Variants in STING1 observed in about 807,000 individuals in gnomAD.
STING1 encodes stimulator of interferon genes protein.
A neutral mutation model predicts 31.6 loss-of-function variants in STING1; 19 were observed. The ratio of observed to expected loss-of-function variants is 0.60; its 90% CI spans 0.42 to 0.88. The LOEUF (loss-of-function observed/expected upper bound fraction) is 0.88. Ranked by LOEUF, STING1 falls within the 40% of genes least tolerant of loss-of-function variation. STING1 has a pLI of 0.00. For synonymous variants in STING1, 200 were observed against 208.6 expected, an observed-to-expected ratio of 0.96 and a Z score of 0.35; for missense variants, 371 against 483.7, an observed-to-expected ratio of 0.77 and a Z score of 2.19.
In STING1 at chr5:139,478,261, C is replaced by A; in HGVS notation, c.759+9G>T. Reference sequence around the variant, plus strand: ...CTCCTCAGAGACCCCCACTCCCCTGCACACTTACCCGCTGCCCGTTCTCCA... The same window carrying A: ...CTCCTCAGAGACCCCCACTCCCCTGAACACTTACCCGCTGCCCGTTCTCCA... On this transcript the variant is annotated intron_variant, in intron 6 of 7. Transcript: ENST00000330794. The A allele has an allele frequency of 6.2e-7, 1 of 1,607,412 alleles. No individual in the cohort carries two copies. The highest frequency in any genetic ancestry group is 8.5e-7 in the Non-Finnish European group (1 of 1,175,562).
chr5:139,482,406 G>A (rs1435461406), intron 1 of STING1, 104 bp from the exon 2 acceptor site: 2 of 152,256 alleles, frequency 1.3e-5, no homozygotes, highest in African/African-American at 4.8e-5. Flanking sequence ...GGTATTTCCT[G>A]TTCCTCAGGA....
rs1236854527 is a variant in STING1, at chr5:139,478,407, C to T, written c.622G>A (p.Val208Met). ...TCAGCCATACTCAGGTTATCAGGCA[C>T]CCCACAGTCCAATGGGAGGAGAATA... Reference protein sequence around the residue: ...LYILLPLDCGVPDNLSMADPN... With the variant: ...LYILLPLDCGMPDNLSMADPN... Residue 208 changes from valine (V) to methionine (M), a missense_variant, in exon 6 of 8, where the codon GTG (valine) becomes ATG (methionine). Physicochemically the swap from Val to Met is conservative, Grantham distance 21. Transcript: ENST00000330794. 4 of 1,614,066 alleles carry T rather than the reference C, an allele frequency of 2.5e-6. No individual in the cohort carries two copies. Among genetic ancestry groups the T allele is most frequent in the Non-Finnish European group, 1.7e-6 (2 of 1,180,036 alleles).
At position 139,478,293 on chromosome 5, in the gene STING1, C is replaced by T; in HGVS notation, c.736G>A (p.Glu246Lys). The change falls in exon 6 of 8, where the codon GAG becomes AAG. Residue 246 changes from glutamate (E) to lysine (K), a missense_variant. Coordinates refer to ENST00000330794, the MANE Select transcript of STING1 (RefSeq NM_198282.4). ...KDRVYSNSIY[E>K]LLENGQRAGT... is the part of the protein sequence containing the mutation. Reference sequence around the variant, plus strand: ...ACCCGCTGCCCGTTCTCCAGAAGCTCATAGATGCTGTTGCTGTAAACCCGA... The same window carrying T: ...ACCCGCTGCCCGTTCTCCAGAAGCTTATAGATGCTGTTGCTGTAAACCCGA... The T allele has an allele frequency of 6.2e-7, 1 of 1,613,980 alleles. No individual in the cohort carries two copies. Among genetic ancestry groups the T allele is most frequent in the Non-Finnish European group, 8.5e-7 (1 of 1,179,940 alleles).
rs758555119 is a variant in STING1 at position 139,480,759 on chromosome 5, T to C, written c.520+31A>G. 5.7e-6 allele frequency: 8 copies of C among 1,401,206 alleles called. 1 individual carries two copies. In the South Asian group the frequency reaches 9.2e-5, roughly 16 times the overall value. 86.8% of individuals were successfully genotyped at this position (1,401,206 alleles called of 1,614,324 possible). ...TGTGTCTTAGTGTCTGTTTTGTAGA[T>C]CGAGAAATGGGGGCAGAGAGGATGG... On this transcript the variant is annotated intron_variant, in intron 5 of 7. Transcript: ENST00000330794.
At chr5:139,477,221 C>T in intron 7 of STING1, 108 bp downstream of exon 7, 1 of 1,182,790 alleles carries the variant, frequency 8.5e-7, no homozygotes, top group Admixed American at 2.2e-5. Context: ...GAAGGACAGG[C>T]CCAGGGCATG....
rs1451007276 is a variant in STING1, at chr5:139,481,138, C to G, written c.411+21G>C. ...CACAGCCACCACTTGGCCAGAGCTT[C>G]TACCTCCCCCTGTGTCATACCTTGA... On this transcript the variant is annotated intron_variant, in intron 4 of 7. Coordinates refer to ENST00000330794, the MANE Select transcript of STING1 (RefSeq NM_198282.4). This position sits in a 1 kb window ranked among gnomAD's most constrained non-coding sequence, Gnocchi z 4.1. The G allele has an allele frequency of 1.9e-6, 3 of 1,613,344 alleles. No individual in the cohort carries two copies.
chr5:139,475,537 C>G lies in STING1; in HGVS notation c.*724G>C, dbSNP rs1751629322. The G allele has an allele frequency of 1.3e-5, 2 of 152,286 alleles. No homozygotes were observed. The highest frequency in any genetic ancestry group is 1.5e-5 in the Non-Finnish European group (1 of 68,052). The allele number at this position is 152,286 out of a possible 1,614,324, so 9.4% of individuals were successfully genotyped here. ...AGACGACACACTCACATTGGGTAATCTGAGATGTGCTTTAAAAAAGGACCG... is the reference window on the plus strand; with the variant it reads ...AGACGACACACTCACATTGGGTAATGTGAGATGTGCTTTAAAAAAGGACCG... On this transcript the variant is annotated 3_prime_UTR_variant, in exon 8 of 8. Transcript: ENST00000330794.
chr5:139,477,680 G>C (rs779500733), intron 6 of STING1, among the ~76,000 whole-genome samples, 165 bp from the exon 7 acceptor site: 3 of 152,198 alleles, frequency 2.0e-5, no homozygotes, highest in Non-Finnish European at 2.9e-5. Flanking sequence ...GGTCTATGCT[G>C]TCTGGCCTGC....
rs778380479 is a variant in STING1 at position 139,480,928 on chromosome 5, C to T, written c.412-30G>A. 10 of 1,552,600 alleles carry T rather than the reference C, an allele frequency of 6.4e-6. No homozygotes were observed. In the South Asian group the frequency reaches 1.0e-4, roughly 16 times the overall value. On this transcript the variant is annotated intron_variant, in intron 4 of 7. Coordinates refer to ENST00000330794, the MANE Select transcript of STING1 (RefSeq NM_198282.4). ...GGACAGCAGGATGTGGCTGGGGGGC[C>T]TCCATCAAGGACACCCAGAGAACTC...
At chr5:139,480,935 A>G (rs1751820127) in intron 4 of STING1, 37 bp from the exon 5 acceptor site, 3 of 1,504,112 alleles carry the variant, frequency 2.0e-6, no homozygotes, top group African/African-American at 1.4e-5. Flanking sequence ...GGCCTCCATC[A>G]AGGACACCCA....
rs139401626 is a variant in STING1, at chr5:139,476,156, C to T, written c.*105G>A. On this transcript the variant is annotated 3_prime_UTR_variant, in exon 8 of 8. Coordinates refer to ENST00000330794, the MANE Select transcript of STING1 (RefSeq NM_198282.4). The stretch of plus-strand genomic sequence containing the variant: ...AGTCCTGGACCCTTCCCTGCAAGGC[C>T]CCCTGTGGAAGGAAATAGCTCTGCT... 778 of 904,456 alleles carry T rather than the reference C, an allele frequency of 8.6e-4. 4 individuals are homozygous for T. In the African/African-American group the frequency reaches 0.011, roughly 13 times the overall value. The allele number at this position is 904,456 out of a possible 1,614,324, so 56.0% of individuals were successfully genotyped here. A position where few individuals can be genotyped will look rare whatever the true frequency, so the allele number is the denominator to read the frequency against.
At chr5:139,480,686 C>T (rs572578878) in intron 5 of STING1, 104 bp downstream of exon 5, 10 of 727,862 alleles carry the variant, frequency 1.4e-5, no homozygotes, top group East Asian at 8.1e-5. Flanking sequence ...CATGAAAATG[C>T]TTTGAAAAAT....
intron 5 of STING1, 127 bp from the exon 6 acceptor site, chr5:139,478,635 C>T: frequency 3.6e-6 from 3 of 823,600 alleles, no homozygotes; most frequent in Non-Finnish European, 6.0e-6. Flanking sequence ...AGTGCACTCT[C>T]ATTGTACAGG....
At position 139,476,460 on chromosome 5, in the gene STING1, A is replaced by G; in HGVS notation, c.947-6T>C. On this transcript the variant is annotated splice_polypyrimidine_tract_variant and splice_region_variant and intron_variant, in intron 7 of 7. Coordinates refer to ENST00000330794, the MANE Select transcript of STING1 (RefSeq NM_198282.4). Reference sequence around the variant, plus strand: ...GCTGCTGTCATCTGCAGGTTCTGGAACAGGGAGATAGGGGAGAGAGTAATG... The same window carrying G: ...GCTGCTGTCATCTGCAGGTTCTGGAGCAGGGAGATAGGGGAGAGAGTAATG... 1.2e-6 allele frequency: 2 copies of G among 1,611,828 alleles called. No individual in the cohort carries two copies. Among genetic ancestry groups the G allele is most frequent in the Non-Finnish European group, 1.7e-6 (2 of 1,179,690 alleles).
At position 139,481,777 on chromosome 5, in the gene STING1, G is replaced by T; in HGVS notation, c.1-73C>A. 1 of 1,300,782 alleles carries T rather than the reference G, an allele frequency of 7.7e-7. No homozygotes were observed. The highest frequency in any genetic ancestry group is 1.1e-6 in the Non-Finnish European group (1 of 936,890). 80.6% of individuals were successfully genotyped at this position (1,300,782 alleles called of 1,614,324 possible). Reference sequence around the variant, plus strand: ...CCTTCTGGGACTGAGGCTCTGGCTGGGCACTTCCTCCCAGTTCCCCTTTCC... The same window carrying T: ...CCTTCTGGGACTGAGGCTCTGGCTGTGCACTTCCTCCCAGTTCCCCTTTCC... On this transcript the variant is annotated intron_variant, in intron 2 of 7. Coordinates refer to ENST00000330794, the MANE Select transcript of STING1 (RefSeq NM_198282.4). This position sits in a 1 kb window ranked among gnomAD's most constrained non-coding sequence, Gnocchi z 4.1.
chr5:139,478,280 T>G lies in STING1; in HGVS notation c.749A>C (p.Asn250Thr). The G allele has an allele frequency of 6.2e-7, 1 of 1,612,994 alleles. No individual in the cohort carries two copies. The highest frequency in any genetic ancestry group is 8.5e-7 in the Non-Finnish European group (1 of 1,179,192). The change falls in exon 6 of 8, where the codon AAC becomes ACC. Residue 250 changes from asparagine (N) to threonine (T), a missense_variant. Coordinates refer to ENST00000330794, the MANE Select transcript of STING1 (RefSeq NM_198282.4). ...YSNSIYELLE[N>T]GQRAGTCVLE... ...CCCCTGCACACTTACCCGCTGCCCG[T>G]TCTCCAGAAGCTCATAGATGCTGTT...
At chr5:139,478,535 T>A (rs145938598) in intron 5 of STING1, 27 bp from the exon 6 acceptor site, 4 of 1,601,626 alleles carry the variant, frequency 2.5e-6, no homozygotes, top group Non-Finnish European at 3.4e-6. Flanking sequence ...CAAGAAGTTA[T>A]TCCTGCTAAC....
In STING1 at chr5:139,481,746, T is replaced by C; in HGVS notation, c.1-42A>G. On this transcript the variant is annotated intron_variant, in intron 2 of 7. Transcript: ENST00000330794. This position sits in a 1 kb window ranked among gnomAD's most constrained non-coding sequence, Gnocchi z 4.1. Reference sequence around the variant, plus strand: ...ATCCATGACCATTCTCCCCTTGCCCTCCTGCCCTTCTGGGACTGAGGCTCT... The same window carrying C: ...ATCCATGACCATTCTCCCCTTGCCCCCCTGCCCTTCTGGGACTGAGGCTCT... The C allele has an allele frequency of 6.6e-7, 1 of 1,511,906 alleles. No individual in the cohort carries two copies. The highest frequency in any genetic ancestry group is 2.4e-5 in the East Asian group (1 of 42,530). 93.7% of individuals were successfully genotyped at this position (1,511,906 alleles called of 1,614,324 possible). A position where few individuals can be genotyped will look rare whatever the true frequency, so the allele number is the denominator to read the frequency against.
In STING1 at chr5:139,480,872, T is replaced by C. The variant is rs547610764; in HGVS notation, c.438A>G (p.Ala146=). 1.9e-6 allele frequency: 3 copies of C among 1,614,060 alleles called. No individual in the cohort carries two copies. Among genetic ancestry groups the C allele is most frequent in the African/African-American group, 2.7e-5 (2 of 75,044 alleles). The change falls in exon 5 of 8, where the codon GCA becomes GCG. Residue 146 remains alanine, a synonymous_variant. Transcript: ENST00000330794. ...CGTTGAAATTCCCTTTTTCACACAC[T>C]GCAGAGATCTCAGCTGGGGCCAGGC... ...LKGLAPAEIS[A]VCEKGNFNVA...
Sources: gnomAD v4.1 joint callset for allele counts (sites outside exome capture counted in the v4.1 genomes callset) on GRCh38, gnomAD v4.1.1 for gene constraint, Gnocchi (gnomAD v3.1) non-coding constraint, MANE v1.5 for transcripts, NCBI Gene and HGNC (gene_info 2026-07-23, HGNC 2026-07-21) for gene names.